VPS33A: variants seen among roughly 807,000 people sequenced by gnomAD.
VPS33A encodes the protein VPS33A core subunit of CORVET and HOPS complexes, also known as vacuolar protein sorting-associated protein 33A.
A neutral mutation model predicts 71.8 loss-of-function variants in VPS33A; 32 were observed. The ratio of observed to expected loss-of-function variants is 0.45; its 90% CI spans 0.34 to 0.60. The LOEUF is 0.60. Ranked by LOEUF, VPS33A falls within the 20% of genes least tolerant of loss-of-function variation. VPS33A has a pLI of 0.02. For synonymous variants in VPS33A, 311 were observed against 292.7 expected (o/e 1.06, Z -0.64); for missense variants, 625 against 748.5 (o/e 0.84, Z 1.92).
intron 9 of VPS33A, 49 bp from the exon 10 acceptor site, chr12:122,238,773 A>ACC: frequency 2.2e-6 from 1 of 461,262 alleles, no homozygotes; most frequent in Non-Finnish European, 3.2e-6. Flanking sequence ...ATATACATAC[A>ACC]CACACACACA....
chr12:122,250,459 C>T (rs2136138258), intron 5 of VPS33A, among the ~76,000 whole-genome samples: 1 of 152,324 alleles, frequency 6.6e-6, no homozygotes, highest in South Asian at 2.1e-4. Context: ...AGATGCCTGA[C>T]TTAACATAAT....
chr12:122,239,919 T>G lies in VPS33A; in HGVS notation c.1123A>C (p.Thr375Pro), dbSNP rs1954690863. ...TTSEDFFDKL[T>P]VEQEFMSGID... ...CCAGACATAAACTCCTGTTCCACGG[T>G]TAATTTATCAAAAAAGTCTTCAGAA... Residue 375 changes from threonine to proline, a missense_variant, in exon 9 of 13, where the codon ACC becomes CCC. Transcript: ENST00000267199. The G allele has an allele frequency of 6.2e-7, 1 of 1,613,638 alleles. No homozygotes were observed.
intron 1 of VPS33A, among the ~76,000 whole-genome samples, chr12:122,265,152 C>A (rs982791018): frequency 6.6e-6 from 1 of 151,778 alleles, no homozygotes; most frequent in African/African-American, 2.4e-5. Flanking sequence ...ACTCTGGGCT[C>A]AAGCGAGCTG....
chr12:122,236,400 G>A (rs1954629865), intron 10 of VPS33A, among the ~76,000 whole-genome samples: 1 of 152,136 alleles, frequency 6.6e-6, no homozygotes, highest in Non-Finnish European at 1.5e-5. Context: ...AGTACTTTGG[G>A]AGGCCGAGGC....
chr12:122,249,802 A>C, intron 6 of VPS33A, 69 bp downstream of exon 6: 1 of 1,431,900 alleles, frequency 7.0e-7, no homozygotes, highest in Non-Finnish European at 9.5e-7. Flanking sequence ...GCAATATACA[A>C]ACAGTAGCCT....
At chr12:122,236,969 G>A (rs1015849881) in intron 10 of VPS33A, among the ~76,000 whole-genome samples, 2 of 152,192 alleles carry the variant, frequency 1.3e-5, no homozygotes, top group African/African-American at 2.4e-5. Flanking sequence ...ACTGGGGTAT[G>A]AGCAAGGTAC....
chr12:122,244,093 T>C (rs1481142148), intron 7 of VPS33A, among the ~76,000 whole-genome samples: 2 of 152,142 alleles, frequency 1.3e-5, no homozygotes, highest in Non-Finnish European at 2.9e-5. Flanking sequence ...AAGGTGATAA[T>C]GAAGCCACCA....
chr12:122,233,248 C>T (rs1954588084), intron 11 of VPS33A, among the ~76,000 whole-genome samples: 2 of 148,704 alleles, frequency 1.3e-5, no homozygotes, highest in Non-Finnish European at 3.0e-5. Context: ...TTTTTTGAGA[C>T]AGAGTCTGGC....
At chr12:122,263,919 A>C (rs1955032610) in intron 2 of VPS33A, among the ~76,000 whole-genome samples, 1 of 152,238 alleles carries the variant, frequency 6.6e-6, no homozygotes, top group Non-Finnish European at 1.5e-5. Flanking sequence ...ATGAACTATC[A>C]AAGACACCAG....
rs1424081491 is a variant in VPS33A, at chr12:122,229,813, G to A, written c.*2433C>T. On this transcript the variant is annotated 3_prime_UTR_variant, in exon 13 of 13. Coordinates refer to ENST00000267199, the MANE Select transcript of VPS33A (RefSeq NM_022916.6). ...TTTGCATACAAATGAAGCAATTGAA[G>A]TTTTTCAGTCTTCTGCTGAATGCAT... is the stretch of plus-strand genomic sequence containing the variant. The A allele has an allele frequency of 1.3e-5, 2 of 152,202 alleles. No individual in the cohort carries two copies. The highest frequency in any genetic ancestry group is 2.9e-5 in the Non-Finnish European group (2 of 68,042). 9.4% of individuals were successfully genotyped at this position (152,202 alleles called of 1,614,324 possible).
At position 122,229,721 on chromosome 12, in the gene VPS33A, A is replaced by G. The variant is rs1420673644; in HGVS notation, c.*2525T>C. 1 of 152,236 alleles carries G rather than the reference A, an allele frequency of 6.6e-6. No individual in the cohort carries two copies. The highest frequency in any genetic ancestry group is 1.5e-5 in the Non-Finnish European group (1 of 68,024). The allele number at this position is 152,236 out of a possible 1,614,324, so 9.4% of individuals were successfully genotyped here. The stretch of plus-strand genomic sequence containing the variant: ...GTAAGGGCATACTCTTTTGAGACAA[A>G]GACTGCTTCAAGTATTAAATGAACT... On this transcript the variant is annotated 3_prime_UTR_variant, in exon 13 of 13. Coordinates refer to ENST00000267199, the MANE Select transcript of VPS33A (RefSeq NM_022916.6).
At chr12:122,244,350 ACC>A (rs1942334198) in intron 7 of VPS33A, among the ~76,000 whole-genome samples, 1 of 152,110 alleles carries the variant, frequency 6.6e-6, no homozygotes, top group Non-Finnish European at 1.5e-5. Flanking sequence ...GCCTCCACCT[ACC>A]CTCCACACAA....
At chr12:122,244,509 C>T (rs1345812470) in intron 7 of VPS33A, 60 bp downstream of exon 7, 1 of 1,460,638 alleles carries the variant, frequency 6.8e-7, no homozygotes, top group Non-Finnish European at 9.2e-7. Flanking sequence ...TTATTCCCCT[C>T]AGGGGTGGGC....
At chr12:122,239,992 T>G in intron 8 of VPS33A, 47 bp from the exon 9 acceptor site, 1 of 1,406,902 alleles carries the variant, frequency 7.1e-7, no homozygotes, top group Non-Finnish European at 1.0e-6. Context: ...AAATGTTAAT[T>G]TACTTGAGTG....
At chr12:122,259,294 A>G (rs1954961871) in intron 4 of VPS33A, among the ~76,000 whole-genome samples, 1 of 151,956 alleles carries the variant, frequency 6.6e-6, no homozygotes, top group Non-Finnish European at 1.5e-5. Flanking sequence ...ATCTCAGCTC[A>G]CTGTAACCTC....
intron 9 of VPS33A, among the ~76,000 whole-genome samples, chr12:122,239,591 A>T (rs1398729881): frequency 2.0e-5 from 3 of 151,828 alleles, no homozygotes; most frequent in African/African-American, 4.8e-5. Flanking sequence ...AAAATTAGCC[A>T]GGTGTGGTGG....
At chr12:122,253,055 T>C (rs886661723) in intron 4 of VPS33A, 4 of 152,186 alleles carry the variant, frequency 2.6e-5, no homozygotes, top group African/African-American at 9.7e-5. Flanking sequence ...GGGTTGTCAC[T>C]TGTCAGGCCC....
intron 10 of VPS33A, among the ~76,000 whole-genome samples, chr12:122,237,454 TTTG>T (rs1257123819): frequency 7.9e-5 from 12 of 152,250 alleles, no homozygotes; most frequent in South Asian, 4.1e-4. Context: ...GTTGTGAATA[TTTG>T]TTGTTGTTGT....
At chr12:122,244,852 A>C in intron 6 of VPS33A, 90 bp from the exon 7 acceptor site, 11 of 1,367,910 alleles carry the variant, frequency 8.0e-6, no homozygotes, top group South Asian at 2.7e-5. Context: ...TTTCCAACTC[A>C]GGAGAAAATG....
Sources: allele counts gnomAD v4.1 joint callset (sites outside exome capture counted in the v4.1 genomes callset), GRCh38; gene constraint gnomAD v4.1.1; transcripts MANE v1.5; gene names NCBI Gene and HGNC (gene_info 2026-07-23, HGNC 2026-07-21).